COL6A3: variants seen among roughly 807,000 people sequenced by gnomAD.
COL6A3 encodes the protein collagen alpha-3(VI) chain.
COL6A3 carries 137 observed loss-of-function variants against 274.1 expected under a neutral mutation model. The ratio of observed to expected loss-of-function variants is 0.50; its 90% CI spans 0.44 to 0.58. The LOEUF (loss-of-function observed/expected upper bound fraction) is 0.58, where lower values mean the gene tolerates loss of function less well. Ranked by LOEUF, COL6A3 falls within the 20% of genes least tolerant of loss-of-function variation. The pLI is 0.00. For missense variants in COL6A3, 3,950 were observed against 4,124.9 expected, an observed-to-expected ratio of 0.96 and a Z score of 1.16; for synonymous variants, 1,650 against 1,650.6, an observed-to-expected ratio of 1.00 and a Z score of 0.01.
In COL6A3 at chr2:237,394,760, T is replaced by A; in HGVS notation, c.536A>T (p.Asp179Val). The change falls in exon 3 of 44, where the codon GAT becomes GTT. Residue 179 changes from aspartate to valine, a missense_variant. Asp to Val is a radical substitution (Grantham distance 152). This residue lies in a region of COL6A3 where 1,934 missense variants were observed against 1,984.3 expected (regional missense o/e 0.97). Coordinates refer to ENST00000295550, the MANE Select transcript of COL6A3 (RefSeq NM_004369.4). ...TTCTTTTAACGCTCCTTCATCTGCA[T>A]CCTCAACTCCAATTGCAAACACGTT... Reference protein sequence around the residue: ...DVNVFAIGVEDADEGALKEIA... With the variant: ...DVNVFAIGVEVADEGALKEIA... 6.2e-7 allele frequency: 1 copy of A among 1,614,238 alleles called. No homozygotes were observed.
In COL6A3 at chr2:237,334,189, C is replaced by T. The variant is rs539420252; in HGVS notation, c.9229+437G>A. 7.6e-4 allele frequency among the ~76,000 whole-genome samples: 115 copies of T among 152,306 alleles called. 2 individuals carry two copies. The South Asian group carries it at 7.9e-3, about 10-fold the overall frequency. ...CTCAGCTATCGACATCCTCCACCCC[C>T]GGGGCGGTGAGACTTCAGGGACACC... On this transcript the variant is annotated intron_variant, in intron 41 of 43. Coordinates refer to ENST00000295550, the MANE Select transcript of COL6A3 (RefSeq NM_004369.4).
rs1254005196 is a variant in COL6A3, at chr2:237,334,721, A to G, written c.9134T>C (p.Ile3045Thr). ...KQNLTVTDRV[I>T]GGLLAGQTYH... ...TGTCTGCCCAGCGAGCAGGCCTCCAATGACGCGGTCCGTGACCGTGAGGTT... is the reference window on the plus strand; with the variant it reads ...TGTCTGCCCAGCGAGCAGGCCTCCAGTGACGCGGTCCGTGACCGTGAGGTT... Residue 3045 changes from isoleucine (I) to threonine (T), a missense_variant, in exon 41 of 44, where the codon ATT becomes ACT. Coordinates refer to ENST00000295550, the MANE Select transcript of COL6A3 (RefSeq NM_004369.4). The G allele has an allele frequency of 1.9e-6, 3 of 1,613,994 alleles. No homozygotes were observed. Among genetic ancestry groups the G allele is most frequent in the African/African-American group, 2.7e-5 (2 of 74,916 alleles).
chr2:237,370,490 G>A (rs570957176), intron 9 of COL6A3, among the ~76,000 whole-genome samples: 42 of 152,218 alleles, frequency 2.8e-4, no homozygotes, highest in South Asian at 1.7e-3. Flanking sequence ...GCCCACCTCG[G>A]CCTCCCAAAG....
chr2:237,329,829 A>G (rs1173508395), intron 42 of COL6A3: 4 of 152,234 alleles, frequency 2.6e-5, no homozygotes, highest in Non-Finnish European at 4.4e-5. Context: ...CAGTTTCAGA[A>G]GTGTCCCAAT....
rs115450971 is a variant in COL6A3, at chr2:237,398,490, T to G, written c.-30-1643A>C. On this transcript the variant is annotated intron_variant, in intron 1 of 43. Transcript: ENST00000295550. ...GGGCTGGGGTCTCCCTTAAGACCCCTCCAGAGAGCTAGGGTCTTTCTGTCT... is the reference window on the plus strand; with the variant it reads ...GGGCTGGGGTCTCCCTTAAGACCCCGCCAGAGAGCTAGGGTCTTTCTGTCT... Among the ~76,000 whole-genome samples the G allele has an allele frequency of 2.2e-3, 328 of 152,276 alleles. 2 individuals are homozygous for G. The highest frequency in any genetic ancestry group is 7.4e-3 in the African/African-American group (306 of 41,562).
intron 43 of COL6A3, 104 bp from the exon 44 acceptor site, chr2:237,324,918 AG>A (rs1699859583): frequency 8.7e-7 from 1 of 1,151,354 alleles, no homozygotes; most frequent in African/African-American, 1.5e-5. Context: ...ATCATGACAC[AG>A]TCCCGCAGCC....
chr2:237,384,111 T>C (rs1344316638), intron 4 of COL6A3, among the ~76,000 whole-genome samples: 3 of 152,158 alleles, frequency 2.0e-5, no homozygotes, highest in Non-Finnish European at 4.4e-5. Context: ...AATTCCTATG[T>C]TTGCTTCATG....
intron 3 of COL6A3, among the ~76,000 whole-genome samples, chr2:237,392,234 C>A (rs940549565): frequency 2.0e-5 from 3 of 152,210 alleles, no homozygotes; most frequent in African/African-American, 7.2e-5. Flanking sequence ...AGTTCTGAAA[C>A]CCTCTTCTTC....
intron 41 of COL6A3, 144 bp from the exon 42 acceptor site, chr2:237,333,692 C>G: frequency 1.4e-6 from 1 of 722,468 alleles, no homozygotes; most frequent in Non-Finnish European, 2.4e-6. Context: ...TCCAAGACAC[C>G]TCTACATCCA....
intron 14 of COL6A3, among the ~76,000 whole-genome samples, chr2:237,362,810 A>G (rs1379100266): frequency 6.6e-6 from 1 of 152,168 alleles, no homozygotes; most frequent in Non-Finnish European, 1.5e-5. Context: ...ACACAGAGGG[A>G]AACTAGGGAG....
In COL6A3 at chr2:237,366,528, G is replaced by T. The variant is rs1288223713; in HGVS notation, c.5500+159C>A. Among the ~76,000 whole-genome samples, 4 of 152,262 alleles carry T rather than the reference G, an allele frequency of 2.6e-5. No homozygotes were observed. In the East Asian group the frequency reaches 7.7e-4, roughly 29 times the overall value. On this transcript the variant is annotated intron_variant, in intron 11 of 43. Transcript: ENST00000295550. ...GTCTTGGAAGAACGCCCTAGGTAGT[G>T]GTGAGGTGGGTGTCAGGACCAGTCC...
intron 1 of COL6A3, among the ~76,000 whole-genome samples, chr2:237,402,522 A>G (rs1206551428): frequency 1.3e-5 from 2 of 152,186 alleles, no homozygotes; most frequent in East Asian, 3.8e-4. Context: ...TTGAGGTGTG[A>G]TAGAGTTTAA....
At chr2:237,389,523 G>T (rs1175630651) in intron 3 of COL6A3, among the ~76,000 whole-genome samples, 1 of 152,108 alleles carries the variant, frequency 6.6e-6, no homozygotes, top group Non-Finnish European at 1.5e-5. Context: ...TAAAATTAAT[G>T]TTTCCTTGTG....
In COL6A3 at chr2:237,340,684, C is replaced by A; in HGVS notation, c.8232G>T (p.Thr2744=). The A allele has an allele frequency of 1.2e-6, 2 of 1,614,214 alleles. No homozygotes were observed. Among genetic ancestry groups the A allele is most frequent in the East Asian group, 2.2e-5 (1 of 44,882 alleles). ...RDLKIVVLML[T]GEVPEQQLEE... ...CCAGCTGCTGCTCCGGCACCTCGCC[C>A]GTCAGCATCAGGACCACAATTTTCA... is the stretch of plus-strand genomic sequence containing the variant. Residue 2744 remains threonine, a synonymous_variant, in exon 38 of 44, where the codon ACG becomes ACT. Transcript: ENST00000295550.
chr2:237,358,422 A>G (rs1215749336), intron 21 of COL6A3, 99 bp downstream of exon 21: 8 of 1,030,250 alleles, frequency 7.8e-6, no homozygotes, highest in Non-Finnish European at 1.2e-5. Flanking sequence ...AACGTGTTTT[A>G]AAGCAATTTC....
chr2:237,412,304 G>A (rs1285678488), intron 1 of COL6A3, among the ~76,000 whole-genome samples: 4 of 152,342 alleles, frequency 2.6e-5, no homozygotes, highest in South Asian at 4.1e-4. Flanking sequence ...CGGAACCGAT[G>A]CCCCCGCCCC....
intron 1 of COL6A3, among the ~76,000 whole-genome samples, chr2:237,406,247 C>T (rs2078716103): frequency 6.6e-6 from 1 of 152,150 alleles, no homozygotes; most frequent in African/African-American, 2.4e-5. Flanking sequence ...ATTTAGCCTA[C>T]TCAAAACCTT....
chr2:237,408,423 G>A (rs1167133786), intron 1 of COL6A3, among the ~76,000 whole-genome samples: 2 of 152,154 alleles, frequency 1.3e-5, no homozygotes, highest in Non-Finnish European at 2.9e-5. Flanking sequence ...GAGCACCCTG[G>A]TGCACCGCCG....
At chr2:237,357,413 T>G in intron 22 of COL6A3, 22 bp from the exon 23 acceptor site, 8 of 1,600,934 alleles carry the variant, frequency 5.0e-6, no homozygotes, top group Non-Finnish European at 6.0e-6. Context: ...AAAATTAGCA[T>G]GAGATTCTCA....
Sources: gnomAD v4.1 joint callset for allele counts (sites outside exome capture counted in the v4.1 genomes callset) on GRCh38, gnomAD v4.1.1 for gene constraint, gnomAD v4.1.1 regional missense constraint, MANE v1.5 for transcripts, NCBI Gene and HGNC (gene_info 2026-07-23, HGNC 2026-07-21) for gene names.